CRYBG1: variants seen among roughly 807,000 people sequenced by gnomAD.
CRYBG1 encodes crystallin beta-gamma domain containing 1.
In CRYBG1, 139 loss-of-function variants were observed where a neutral mutation model predicts 189.2. The observed-to-expected ratio is 0.73, with a 90% CI of 0.64 to 0.85. The LOEUF (loss-of-function observed/expected upper bound fraction) is 0.85. Ranked by LOEUF, CRYBG1 falls within the 40% of genes least tolerant of loss-of-function variation. The pLI is 0.00. For missense variants in CRYBG1, 2,611 were observed against 2,675.8 expected (o/e 0.98, Z 0.53); for synonymous variants, 1,023 against 1,017.1 (o/e 1.01, Z -0.11).
At chr6:106,383,120 C>T (rs1770318135) in intron 1 of CRYBG1, among the ~76,000 whole-genome samples, 1 of 151,856 alleles carries the variant, frequency 6.6e-6, no homozygotes, top group Non-Finnish European at 1.5e-5. Flanking sequence ...GTCATGGAAC[C>T]AGAATTTTAA....
intron 2 of CRYBG1, among the ~76,000 whole-genome samples, chr6:106,470,547 G>A (rs1407387521): frequency 6.6e-6 from 1 of 152,078 alleles, no homozygotes; most frequent in Non-Finnish European, 1.5e-5. Context: ...ATTCCAGCCT[G>A]GGTGACAGAG....
At chr6:106,542,107 C>T (rs1774143134) in intron 10 of CRYBG1, among the ~76,000 whole-genome samples, 2 of 150,108 alleles carry the variant, frequency 1.3e-5, no homozygotes, top group South Asian at 4.2e-4. Context: ...TTCTAAATAT[C>T]AGTTTTATAT....
chr6:106,454,692 A>T (rs1244365168), intron 2 of CRYBG1: 1 of 152,218 alleles, frequency 6.6e-6, no homozygotes, highest in Non-Finnish European at 1.5e-5. Context: ...TTCCAAAACA[A>T]CCAGAATTTA....
At chr6:106,445,345 A>G (rs1401778627) in intron 1 of CRYBG1, among the ~76,000 whole-genome samples, 1 of 152,054 alleles carries the variant, frequency 6.6e-6, no homozygotes, top group Non-Finnish European at 1.5e-5. Flanking sequence ...TCTACTCCTA[A>G]CTCTGTCATT....
intron 1 of CRYBG1, among the ~76,000 whole-genome samples, chr6:106,374,376 A>C (rs1380284947): frequency 2.0e-5 from 3 of 152,146 alleles, no homozygotes; most frequent in Non-Finnish European, 4.4e-5. Flanking sequence ...CAACATAGGA[A>C]GACTATGTCT....
chr6:106,496,539 C>T (rs967556184), intron 2 of CRYBG1, among the ~76,000 whole-genome samples: 6 of 151,830 alleles, frequency 4.0e-5, no homozygotes, highest in Admixed American at 1.3e-4. Flanking sequence ...GGTTTAAGAG[C>T]GTCATGACTA....
chr6:106,392,143 G>T (rs1026820719), intron 1 of CRYBG1, among the ~76,000 whole-genome samples: 3 of 152,116 alleles, frequency 2.0e-5, no homozygotes, highest in African/African-American at 7.2e-5. Flanking sequence ...GAATCTGTGT[G>T]GCTGTGGGAG....
chr6:106,511,976 CAGG>C lies in CRYBG1; in HGVS notation c.863_865del (p.Glu288del). 1 of 1,529,904 alleles carries C rather than the reference CAGG, an allele frequency of 6.5e-7. No homozygotes were observed. Among genetic ancestry groups the C allele is most frequent in the East Asian group, 2.5e-5 (1 of 40,788 alleles). 94.8% of individuals were successfully genotyped at this position (1,529,904 alleles called of 1,614,324 possible). Reference sequence around the variant, plus strand: ...CGCTTCACCAGGTGCTGGCCACGAACAGGAGGCTTTCCTGGGTGTGAGGGGTGC... The same window carrying C: ...CGCTTCACCAGGTGCTGGCCACGAACAGGCTTTCCTGGGTGTGAGGGGTGC... On this transcript the variant is annotated inframe_deletion, in exon 3 of 22. Coordinates refer to ENST00000633556, the MANE Select transcript of CRYBG1 (RefSeq NM_001371242.2).
At chr6:106,408,015 A>T (rs1422613875) in intron 1 of CRYBG1, among the ~76,000 whole-genome samples, 1 of 152,196 alleles carries the variant, frequency 6.6e-6, no homozygotes, top group African/African-American at 2.4e-5. Flanking sequence ...ACAAGAAATA[A>T]CTAAGATCAG....
intron 2 of CRYBG1, among the ~76,000 whole-genome samples, chr6:106,467,951 A>G (rs529312699): frequency 6.6e-6 from 1 of 152,156 alleles, no homozygotes; most frequent in Non-Finnish European, 1.5e-5. Context: ...ATGGTCCTGA[A>G]GTAGGTTTAG....
At chr6:106,537,012 A>C (rs373283606) in intron 8 of CRYBG1, among the ~76,000 whole-genome samples, 1 of 152,206 alleles carries the variant, frequency 6.6e-6, no homozygotes, top group East Asian at 1.9e-4. Flanking sequence ...GGCCTTCAGC[A>C]CTCATTTACT....
intron 1 of CRYBG1, among the ~76,000 whole-genome samples, chr6:106,392,458 AG>A (rs1226127955): frequency 6.6e-6 from 1 of 152,172 alleles, no homozygotes; most frequent in Admixed American, 6.5e-5. Context: ...AGCAGACTAG[AG>A]GTAGGACTTA....
intron 2 of CRYBG1, among the ~76,000 whole-genome samples, chr6:106,494,181 C>T (rs1175622329): frequency 6.6e-6 from 1 of 151,292 alleles, no homozygotes; most frequent in African/African-American, 2.4e-5. Flanking sequence ...TAGTCAAACT[C>T]AGAGTCAGAA....
chr6:106,387,567 G>A (rs1770416295), intron 1 of CRYBG1, among the ~76,000 whole-genome samples: 1 of 152,058 alleles, frequency 6.6e-6, no homozygotes, highest in East Asian at 1.9e-4. Context: ...CCCTAGTAAG[G>A]GTTTTAGATA....
At position 106,560,937 on chromosome 6, in the gene CRYBG1, C is replaced by T. The variant is rs764782165; in HGVS notation, c.5979+11C>T. 2 of 1,593,960 alleles carry T rather than the reference C, an allele frequency of 1.3e-6. No homozygotes were observed. Among genetic ancestry groups the T allele is most frequent in the East Asian group, 2.3e-5 (1 of 44,336 alleles). ...CGACCTTTTGTTCAGGTATTTTCTT[C>T]CTCTCCATGCTCTGCATAGACTCTT... is the stretch of plus-strand genomic sequence containing the variant. On this transcript the variant is annotated intron_variant, in intron 19 of 21. Transcript: ENST00000633556.
intron 1 of CRYBG1, among the ~76,000 whole-genome samples, chr6:106,423,006 G>A (rs1415651094): frequency 2.6e-5 from 4 of 152,166 alleles, no homozygotes; most frequent in South Asian, 2.1e-4. Context: ...AATTGCTCCC[G>A]TAGATAAGTT....
At chr6:106,460,678 CAT>C (rs1771991863) in intron 2 of CRYBG1, among the ~76,000 whole-genome samples, 3 of 152,266 alleles carry the variant, frequency 2.0e-5, no homozygotes, top group Admixed American at 2.0e-4. Context: ...TGTGGTCACT[CAT>C]ATGCAATGAA....
chr6:106,503,715 T>C (rs9398093), intron 2 of CRYBG1, among the ~76,000 whole-genome samples: 1 of 152,064 alleles, frequency 6.6e-6, no homozygotes, highest in Admixed American at 6.5e-5. Context: ...CCTTTCTGAT[T>C]GATCATGTGT....
At position 106,544,856 on chromosome 6, in the gene CRYBG1, T is replaced by G. The variant is rs781684558; in HGVS notation, c.5235T>G (p.Asp1745Glu). 6.2e-7 allele frequency: 1 copy of G among 1,613,856 alleles called. No homozygotes were observed. Among genetic ancestry groups the G allele is most frequent in the Admixed American group, 1.7e-5 (1 of 59,978 alleles). ...KNFGSKGSSI[D>E]VLGIVANLKE... ...TTGGATCCAAAGGTTCCAGTATTGATGTATTGGGAATTGTTGCTAATTTAA... is the reference window on the plus strand; with the variant it reads ...TTGGATCCAAAGGTTCCAGTATTGAGGTATTGGGAATTGTTGCTAATTTAA... Residue 1745 changes from aspartate (D) to glutamate (E), a missense_variant, in exon 13 of 22, where the codon GAT becomes GAG. Transcript: ENST00000633556.
Sources: allele counts gnomAD v4.1 joint callset (sites outside exome capture counted in the v4.1 genomes callset), GRCh38; gene constraint gnomAD v4.1.1; transcripts MANE v1.5; gene names NCBI Gene and HGNC (gene_info 2026-07-23, HGNC 2026-07-21).